The following TBC1D9B variants were observed in gnomAD, a reference collection of about 807,000 sequenced individuals.
TBC1D9B encodes the protein TBC1 domain family, member 9B (with GRAM domain).
In TBC1D9B, 87 loss-of-function variants were observed where a neutral mutation model predicts 121.1. That is an observed-to-expected ratio of 0.72 (90% confidence interval 0.60 to 0.86). The LOEUF (loss-of-function observed/expected upper bound fraction) is 0.86. Among genes scored for constraint, TBC1D9B ranks in the 40% least tolerant of loss-of-function variants. TBC1D9B has a pLI of 0.00. For synonymous variants in TBC1D9B, 668 were observed against 670.1 expected, an observed-to-expected ratio of 1.00 and a Z score of 0.05; for missense variants, 1,540 against 1,628.6, an observed-to-expected ratio of 0.95 and a Z score of 0.94.
rs748778939 is a variant in TBC1D9B at position 179,891,409 on chromosome 5, G to A, written c.1014C>T (p.Asp338=). 2.1e-5 allele frequency: 34 copies of A among 1,614,118 alleles called. No individual in the cohort carries two copies. The highest frequency in any genetic ancestry group is 1.7e-4 in the African/African-American group (13 of 74,936). ...TCAGGGGTATGATGAGGTGGCAAGC[G>A]TCCTCCTCCTTGCTGGCGAAGCAGA... is the stretch of plus-strand genomic sequence containing the variant. ...NYICFASKEE[D]ACHLIIPLRE... Residue 338 remains aspartate, a synonymous_variant, in exon 6 of 21, where the codon GAC becomes GAT. Coordinates refer to ENST00000355235, the MANE Select transcript of TBC1D9B (RefSeq NM_015043.4). The surrounding 1 kb of genome is among the most constrained non-coding windows in gnomAD (Gnocchi z 4.3).
At chr5:179,873,399 G>C in intron 12 of TBC1D9B, 151 bp from the exon 13 acceptor site, 3 of 1,254,014 alleles carry the variant, frequency 2.4e-6, no homozygotes, top group Non-Finnish European at 3.2e-6. Context: ...GGGCAGAGGT[G>C]TGCCCTGGCA....
chr5:179,865,165 G>A lies in TBC1D9B; in HGVS notation c.3021+89C>T. ...GGAGGAGCCTTCCCACCCACCAGGA[G>A]ATGCTGCAGTGCAGGTGCGGTGATG... On this transcript the variant is annotated intron_variant, in intron 20 of 20. Transcript: ENST00000355235. This position sits in a 1 kb window ranked among gnomAD's most constrained non-coding sequence, Gnocchi z 5.1. 3 of 1,238,400 alleles carry A rather than the reference G, an allele frequency of 2.4e-6. 1 individual carries two copies. In the South Asian group the frequency reaches 3.7e-5, roughly 15 times the overall value. 76.7% of individuals were successfully genotyped at this position (1,238,400 alleles called of 1,614,324 possible).
intron 2 of TBC1D9B, among the ~76,000 whole-genome samples, chr5:179,900,722 C>T (rs1761142213): frequency 6.6e-6 from 1 of 152,220 alleles, no homozygotes; most frequent in Non-Finnish European, 1.5e-5. Flanking sequence ...AGCTCACGGC[C>T]AGCAGCACTA....
At chr5:179,893,741 G>C (rs2113639692) in intron 4 of TBC1D9B, among the ~76,000 whole-genome samples, 1 of 152,336 alleles carries the variant, frequency 6.6e-6, no homozygotes, top group East Asian at 1.9e-4. Context: ...GAACCACCGA[G>C]ACCCACCCAG....
rs748586469 is a variant in TBC1D9B, at chr5:179,879,112, G to C, written c.1502C>G (p.Thr501Arg). Reference protein sequence around the residue: ...RGVCMYRTAKTRALVLKGIPE... With the variant: ...RGVCMYRTAKRRALVLKGIPE... Reference sequence around the variant, plus strand: ...GATACCCTTCAGGACCAGTGCCCGCGTCTTGGCTGTGCGGTACATGCACAC... The same window carrying C: ...GATACCCTTCAGGACCAGTGCCCGCCTCTTGGCTGTGCGGTACATGCACAC... The change falls in exon 9 of 21, where the codon ACG becomes AGG. Residue 501 changes from threonine (T) to arginine (R), a missense_variant. Physicochemically the swap from Thr to Arg is moderately conservative, Grantham distance 71. Transcript: ENST00000355235. 6.2e-7 allele frequency: 1 copy of C among 1,607,936 alleles called. No individual in the cohort carries two copies. Among genetic ancestry groups the C allele is most frequent in the Non-Finnish European group, 8.5e-7 (1 of 1,179,924 alleles).
chr5:179,867,884 G>C (rs1314172438), intron 17 of TBC1D9B, 35 bp from the exon 18 acceptor site: 2 of 1,501,092 alleles, frequency 1.3e-6, no homozygotes, highest in African/African-American at 2.8e-5. Flanking sequence ...GAGGGCAGGA[G>C]GAAACAAGGA....
intron 18 of TBC1D9B, chr5:179,867,505 AC>A: frequency 6.4e-7 from 1 of 1,559,080 alleles, no homozygotes; most frequent in Non-Finnish European, 8.7e-7. Flanking sequence ...GCTGGAAGGG[AC>A]AGCAGAGGAG....
rs1760422669 is a variant in TBC1D9B at position 179,878,357 on chromosome 5, C to T, written c.1734G>A (p.Arg578=). Residue 578 remains arginine, a synonymous_variant, in exon 10 of 21, where the codon CGG becomes CGA. Transcript: ENST00000355235. ...QNELGIAALR[R]VLTAYAFRNP... is the part of the protein sequence containing the mutation. ...TTCGGAAGGCATAGGCAGTCAGCAC[C>T]CGCCGGAGGGCAGCAATCCCCAGCT... The T allele has an allele frequency of 6.2e-7, 1 of 1,613,822 alleles. No individual in the cohort carries two copies. Among genetic ancestry groups the T allele is most frequent in the Admixed American group, 1.7e-5 (1 of 59,994 alleles).
chr5:179,878,843 C>G (rs1263964844), intron 9 of TBC1D9B, among the ~76,000 whole-genome samples: 1 of 152,184 alleles, frequency 6.6e-6, no homozygotes, highest in African/African-American at 2.4e-5. Context: ...TGCCCATTCC[C>G]CAGCCTCTGT....
chr5:179,864,195 C>T, intron 20 of TBC1D9B, 67 bp from the exon 21 acceptor site: 1 of 1,451,286 alleles, frequency 6.9e-7, no homozygotes. Flanking sequence ...TCCATATTAG[C>T]CAAACTGATG....
At position 179,907,544 on chromosome 5, in the gene TBC1D9B, G is replaced by T. The variant is rs1268535369; in HGVS notation, c.118+160C>A. 6.7e-6 allele frequency among the ~76,000 whole-genome samples: 1 copy of T among 148,850 alleles called. No individual in the cohort carries two copies. The highest frequency in any genetic ancestry group is 1.5e-5 in the Non-Finnish European group (1 of 66,974). ...CCGGCCCCTCCGCGCCCGGCTCCCG[G>T]GTCCTGGCCTCGCGCCCCCGCCCCG... On this transcript the variant is annotated intron_variant, in intron 1 of 20. Transcript: ENST00000355235. The surrounding 1 kb of genome is among the most constrained non-coding windows in gnomAD (Gnocchi z 5.3).
chr5:179,886,355 A>T (rs1044392106), intron 7 of TBC1D9B, among the ~76,000 whole-genome samples: 1 of 152,156 alleles, frequency 6.6e-6, no homozygotes, highest in Non-Finnish European at 1.5e-5. Flanking sequence ...ATGTGTTTGG[A>T]TGCATGAAGC....
Position 179,891,468 on chromosome 5 carries a change from T to C in TBC1D9B, c.955A>G (p.Ile319Val), listed in dbSNP as rs1760860248. Residue 319 changes from isoleucine to valine, a missense_variant, in exon 6 of 21, where the codon ATC becomes GTC. Transcript: ENST00000355235. The surrounding 1 kb of genome is among the most constrained non-coding windows in gnomAD (Gnocchi z 4.3). ...TLWTPFNKLHIPGQMFISNNY... is the reference protein window; with the variant it reads ...TLWTPFNKLHVPGQMFISNNY... ...TTGGAGATGAACATCTGGCCAGGGATGTGCAGCTTGTTGAACGGCGTCCAC... is the reference window on the plus strand; with the variant it reads ...TTGGAGATGAACATCTGGCCAGGGACGTGCAGCTTGTTGAACGGCGTCCAC... 6 of 1,614,204 alleles carry C rather than the reference T, an allele frequency of 3.7e-6. No homozygotes were observed. Among genetic ancestry groups the C allele is most frequent in the South Asian group, 2.2e-5 (2 of 91,084 alleles).
At chr5:179,883,030 T>G (rs1760584398) in intron 7 of TBC1D9B, among the ~76,000 whole-genome samples, 1 of 152,154 alleles carries the variant, frequency 6.6e-6, no homozygotes, top group Non-Finnish European at 1.5e-5. Context: ...AGCTTAGTTT[T>G]GTATTTTTAG....
At chr5:179,893,114 T>C in intron 5 of TBC1D9B, 95 bp downstream of exon 5, 1 of 1,488,118 alleles carries the variant, frequency 6.7e-7, no homozygotes, top group African/African-American at 1.4e-5. Flanking sequence ...TGTGGACACC[T>C]TCTCCAGGTC....
chr5:179,867,590 T>C, intron 18 of TBC1D9B, 188 bp downstream of exon 18: 3 of 1,507,996 alleles, frequency 2.0e-6, no homozygotes, highest in East Asian at 2.5e-5. Flanking sequence ...AGTGAGGACA[T>C]CCACAGGGGG....
chr5:179,882,742 C>CA (rs1760575766), intron 7 of TBC1D9B, among the ~76,000 whole-genome samples: 1 of 152,102 alleles, frequency 6.6e-6, no homozygotes. Flanking sequence ...CCCAGCTACT[C>CA]ACGGGCCTGA....
At chr5:179,866,161 C>T (rs941894182) in intron 18 of TBC1D9B, 8 of 433,316 alleles carry the variant, frequency 1.8e-5, no homozygotes, top group Non-Finnish European at 2.9e-5. Context: ...ATACAAGTCT[C>T]AACATGCTGG....
chr5:179,869,933 A>G (rs1004926069), intron 16 of TBC1D9B, 99 bp from the exon 17 acceptor site: 9 of 1,213,986 alleles, frequency 7.4e-6, no homozygotes, highest in East Asian at 2.5e-5. Flanking sequence ...GTGCTGCCCA[A>G]CTCCCTCCTG....
Sources: allele counts gnomAD v4.1 joint callset (sites outside exome capture counted in the v4.1 genomes callset), GRCh38; gene constraint gnomAD v4.1.1; non-coding constraint Gnocchi (gnomAD v3.1); transcripts MANE v1.5; gene names NCBI Gene and HGNC (gene_info 2026-07-23, HGNC 2026-07-21).